Variants in NALF1 observed in about 807,000 individuals in gnomAD.
The protein encoded by NALF1 is NALCN channel auxiliary factor 1, also known as family with sequence similarity 155 member A.
NALF1 carries 3 observed loss-of-function variants against 48.4 expected under a neutral mutation model. The ratio of observed to expected loss-of-function variants is 0.06; its 90% CI spans 0.03 to 0.16. The LOEUF (loss-of-function observed/expected upper bound fraction) is 0.16, where lower values mean the gene tolerates loss of function less well. Ranked by LOEUF, NALF1 falls within the 10% of genes least tolerant of loss-of-function variation. The probability of loss-of-function intolerance (pLI) is 1.00; values close to 1 mark genes in which losing one functional copy is unlikely to be tolerated. For synonymous variants in NALF1, 262 were observed against 245.7 expected (o/e 1.07, Z -0.62); for missense variants, 526 against 571.5 (o/e 0.92, Z 0.81).
intron 1 of NALF1, among the ~76,000 whole-genome samples, chr13:107,654,965 C>A (rs1880538829): frequency 6.6e-6 from 1 of 152,062 alleles, no homozygotes; most frequent in Non-Finnish European, 1.5e-5. Flanking sequence ...ATGATTAAAA[C>A]CCTCAGCCAA....
At chr13:107,813,007 C>T (rs1037540116) in intron 1 of NALF1, among the ~76,000 whole-genome samples, 2 of 152,118 alleles carry the variant, frequency 1.3e-5, no homozygotes, top group African/African-American at 2.4e-5. Context: ...CTACCTGCCT[C>T]AGCCTCCCAA....
At position 107,210,685 on chromosome 13, in the gene NALF1, G is replaced by A. The variant is rs926505197; in HGVS notation, c.986C>T (p.Pro329Leu). ...AACCTCCAAACAGTATTGCTTGCAA[G>A]GAATTGTCTTTCTGCAGTTAAACTG... The part of the protein sequence containing the change: ...VTQFNCRKTI[P>L]CKQYCLEVQT... Residue 329 changes from proline to leucine, a missense_variant, in exon 2 of 3, where the codon CCT becomes CTT. By Grantham distance (98) the Pro-to-Leu change is moderately conservative. Around this residue, in one of 2 missense-constraint regions of NALF1, gnomAD observed 153 missense variants for 215.9 expected, o/e 0.71. Coordinates refer to ENST00000375915, the MANE Select transcript of NALF1 (RefSeq NM_001080396.3). The A allele has an allele frequency of 6.2e-7, 1 of 1,611,374 alleles. No homozygotes were observed. The highest frequency in any genetic ancestry group is 1.3e-5 in the African/African-American group (1 of 74,854).
intron 1 of NALF1, among the ~76,000 whole-genome samples, chr13:107,286,540 G>A (rs1437590423): frequency 6.6e-6 from 1 of 150,486 alleles, no homozygotes; most frequent in African/African-American, 2.5e-5. Flanking sequence ...AGGAGTCTGA[G>A]GTGGGAGGAT....
chr13:107,511,050 C>T (rs527295999), intron 1 of NALF1, among the ~76,000 whole-genome samples: 13 of 152,290 alleles, frequency 8.5e-5, no homozygotes, highest in African/African-American at 3.1e-4. Flanking sequence ...CCGTCTGAGT[C>T]CTCCTAATAC....
chr13:107,301,738 G>T (rs774039058), intron 1 of NALF1, among the ~76,000 whole-genome samples: 1 of 151,706 alleles, frequency 6.6e-6, no homozygotes, highest in Admixed American at 6.6e-5. Flanking sequence ...CTACTATAAT[G>T]GTCTATATTT....
chr13:107,854,130 C>T (rs761855992), intron 1 of NALF1, among the ~76,000 whole-genome samples: 9 of 152,102 alleles, frequency 5.9e-5, no homozygotes, highest in Non-Finnish European at 1.0e-4. Flanking sequence ...TGAATAAAAA[C>T]GAACATTCGG....
intron 1 of NALF1, among the ~76,000 whole-genome samples, chr13:107,550,739 A>T: frequency 6.6e-6 from 1 of 152,152 alleles, no homozygotes; most frequent in Non-Finnish European, 1.5e-5. Context: ...TGAAAAGGAA[A>T]GAAGGGTGAG....
chr13:107,501,264 C>T lies in NALF1; in HGVS notation c.916-290509G>A, dbSNP rs185752110. 1.4e-4 allele frequency among the ~76,000 whole-genome samples: 21 copies of T among 152,160 alleles called. 1 individual carries two copies. The highest frequency in any genetic ancestry group is 9.8e-4 in the Admixed American group (15 of 15,284). On this transcript the variant is annotated intron_variant, in intron 1 of 2. Transcript: ENST00000375915. ...ATCTATTCCTGAGGCTCCACCCTCA[C>T]GACACAAACACCCCCTAAAAGACCC...
chr13:107,461,275 G>T (rs910722710), intron 1 of NALF1, among the ~76,000 whole-genome samples: 1 of 151,876 alleles, frequency 6.6e-6, no homozygotes. Flanking sequence ...GTAGAAAAAA[G>T]AATTAAATAT....
chr13:107,235,432 C>T (rs1880321844), intron 1 of NALF1, among the ~76,000 whole-genome samples: 1 of 152,008 alleles, frequency 6.6e-6, no homozygotes, highest in South Asian at 2.1e-4. Context: ...TTTCAGGACA[C>T]TGAAAGGATA....
intron 1 of NALF1, among the ~76,000 whole-genome samples, chr13:107,571,246 T>C (rs937910328): frequency 6.6e-6 from 1 of 152,108 alleles, no homozygotes; most frequent in African/African-American, 2.4e-5. Flanking sequence ...TTTATACTAA[T>C]CAGGTGACCC....
chr13:107,177,659 C>T (rs1410343133), intron 2 of NALF1, among the ~76,000 whole-genome samples: 1 of 152,166 alleles, frequency 6.6e-6, no homozygotes, highest in African/African-American at 2.4e-5. Flanking sequence ...ACAGACTCTT[C>T]AATAAATGGT....
intron 2 of NALF1, among the ~76,000 whole-genome samples, chr13:107,177,100 AT>A (rs1878955176): frequency 6.6e-6 from 1 of 152,088 alleles, no homozygotes; most frequent in Non-Finnish European, 1.5e-5. Flanking sequence ...TGAAAAAGAA[AT>A]AAAGAAAGTT....
intron 1 of NALF1, among the ~76,000 whole-genome samples, chr13:107,299,259 C>T (rs958953064): frequency 1.1e-4 from 16 of 151,816 alleles, no homozygotes; most frequent in African/African-American, 3.1e-4. Flanking sequence ...TGATCATGGA[C>T]GTCTCTACCA....
chr13:107,673,995 T>A (rs901947355), intron 1 of NALF1, among the ~76,000 whole-genome samples: 22 of 152,036 alleles, frequency 1.4e-4, no homozygotes, highest in Non-Finnish European at 4.4e-5. Flanking sequence ...TTAAGTGTTC[T>A]CCAAAACACA....
At chr13:107,255,904 A>G (rs1465174493) in intron 1 of NALF1, among the ~76,000 whole-genome samples, 1 of 152,098 alleles carries the variant, frequency 6.6e-6, no homozygotes, top group South Asian at 2.1e-4. Flanking sequence ...GAACACATTT[A>G]TTGGTTATCT....
intron 1 of NALF1, among the ~76,000 whole-genome samples, chr13:107,629,114 C>T (rs1384674635): frequency 6.6e-6 from 1 of 152,090 alleles, no homozygotes; most frequent in African/African-American, 2.4e-5. Context: ...GACTAATGTG[C>T]ACTAAAGAAG....
chr13:107,679,992 T>A (rs943314764), intron 1 of NALF1, among the ~76,000 whole-genome samples: 1 of 152,110 alleles, frequency 6.6e-6, no homozygotes, highest in African/African-American at 2.4e-5. Context: ...TCCCTCGACA[T>A]CCCCAGGACA....
chr13:107,468,755 G>A (rs1187261338), intron 1 of NALF1, among the ~76,000 whole-genome samples: 1 of 152,064 alleles, frequency 6.6e-6, no homozygotes, highest in Non-Finnish European at 1.5e-5. Flanking sequence ...TATAATAATG[G>A]GTGATTTTAA....
Sources: gnomAD v4.1 joint callset for allele counts (sites outside exome capture counted in the v4.1 genomes callset) on GRCh38, gnomAD v4.1.1 for gene constraint, gnomAD v4.1.1 regional missense constraint, MANE v1.5 for transcripts, NCBI Gene and HGNC (gene_info 2026-07-23, HGNC 2026-07-21) for gene names.